DHX33: variants seen among roughly 807,000 people sequenced by gnomAD.
The protein encoded by DHX33 is DEAH-box helicase 33, also known as ATP-dependent RNA helicase DHX33.
A neutral mutation model predicts 72.5 loss-of-function variants in DHX33; 42 were observed. That is an observed-to-expected ratio of 0.58 (90% confidence interval 0.45 to 0.75). The LOEUF is 0.75. Ranked by LOEUF, DHX33 falls within the 30% of genes least tolerant of loss-of-function variation. The probability of loss-of-function intolerance (pLI) is 0.00; values close to 1 mark genes in which losing one functional copy is unlikely to be tolerated. For missense variants in DHX33, 842 were observed against 917.5 expected (o/e 0.92, Z 1.06); for synonymous variants, 358 against 366.1 (o/e 0.98, Z 0.25).
rs1904591005 is a variant in DHX33, at chr17:5,461,213, C to T, written c.679-104G>A. ...AGATGATTGAGGCCTGTGCCACCCC[C>T]ATCACAGTTTACTTTCTTCCAAGGC... On this transcript the variant is annotated intron_variant, in intron 3 of 11. Transcript: ENST00000225296. 3.3e-6 allele frequency: 4 copies of T among 1,221,154 alleles called. No homozygotes were observed. The African/African-American group carries it at 4.5e-5, about 14-fold the overall frequency. 75.6% of individuals were successfully genotyped at this position (1,221,154 alleles called of 1,614,324 possible).
At chr17:5,448,412 CTT>C (rs922986905) in intron 11 of DHX33, among the ~76,000 whole-genome samples, 1 of 152,152 alleles carries the variant, frequency 6.6e-6, no homozygotes, top group East Asian at 1.9e-4. Flanking sequence ...TTATGGGAGA[CTT>C]TTAAACTTTC....
chr17:5,461,407 CAGG>C (rs1904610647), intron 3 of DHX33: 1 of 175,886 alleles, frequency 5.7e-6, no homozygotes, highest in Non-Finnish European at 1.2e-5. Context: ...ATCACGAGGT[CAGG>C]AGATCGAGGC....
At chr17:5,454,460 A>G (rs1210525674) in intron 6 of DHX33, among the ~76,000 whole-genome samples, 1 of 152,208 alleles carries the variant, frequency 6.6e-6, no homozygotes, top group African/African-American at 2.4e-5. Context: ...AGACAGAAAT[A>G]ATGTGATGTC....
At chr17:5,466,363 G>A (rs1904876191) in intron 1 of DHX33, among the ~76,000 whole-genome samples, 1 of 152,220 alleles carries the variant, frequency 6.6e-6, no homozygotes, top group African/African-American at 2.4e-5. Context: ...TTCAACTTAT[G>A]AGGATGGGTG....
At chr17:5,468,392 C>A (rs1210588412) in intron 1 of DHX33, among the ~76,000 whole-genome samples, 179 bp downstream of exon 1, 1 of 152,262 alleles carries the variant, frequency 6.6e-6, no homozygotes, top group East Asian at 1.9e-4. Flanking sequence ...GGCTGTCCAG[C>A]GCCTCCAGGG....
intron 4 of DHX33, among the ~76,000 whole-genome samples, chr17:5,458,750 T>C (rs1164953088): frequency 6.6e-6 from 1 of 152,162 alleles, no homozygotes; most frequent in Non-Finnish European, 1.5e-5. Context: ...TTTAGAAACA[T>C]GAAAGCAATA....
At chr17:5,460,537 C>A (rs1219606287) in intron 4 of DHX33, among the ~76,000 whole-genome samples, 1 of 150,286 alleles carries the variant, frequency 6.7e-6, no homozygotes, top group East Asian at 1.9e-4. Flanking sequence ...GACGGAGTCT[C>A]CCTCTGTCAC....
rs764847965 is a variant in DHX33 at position 5,453,683 on chromosome 17, A to G, written c.1308-15T>C. ...CCAGGTTACACCTGTGAAGAGCATG[A>G]GACCAGGGTCATGACCTGATCCCTC... On this transcript the variant is annotated splice_polypyrimidine_tract_variant and intron_variant, in intron 7 of 11. Coordinates refer to ENST00000225296, the MANE Select transcript of DHX33 (RefSeq NM_020162.4). 6 of 1,614,038 alleles carry G rather than the reference A, an allele frequency of 3.7e-6. No individual in the cohort carries two copies. In the East Asian group the frequency reaches 1.3e-4, roughly 36 times the overall value.
Position 5,444,392 on chromosome 17 carries a change from G to A in DHX33, c.1937C>T (p.Thr646Ile). 1.2e-6 allele frequency: 2 copies of A among 1,614,250 alleles called. No homozygotes were observed. Among genetic ancestry groups the A allele is most frequent in the Non-Finnish European group, 1.7e-6 (2 of 1,180,052 alleles). The change falls in exon 12 of 12, where the codon ACC becomes ATC. Residue 646 changes from threonine to isoleucine, a missense_variant. By Grantham distance (89) the Thr-to-Ile change is moderately conservative. Transcript: ENST00000225296. The surrounding 1 kb of genome is among the most constrained non-coding windows in gnomAD (Gnocchi z 4.9). ...CGGGTGGATGGCCACTGGCTGGTGG[G>A]TGTCCGTGGTGGCATAGGTGCCATC... The part of the protein sequence containing the change: ...QPDGTYATTD[T>I]HQPVAIHPSS...
chr17:5,454,016 C>T lies in DHX33; in HGVS notation c.1148-36G>A, dbSNP rs201886936. 4.1e-5 allele frequency: 65 copies of T among 1,604,506 alleles called. No homozygotes were observed. In the African/African-American group the frequency reaches 7.2e-4, roughly 18 times the overall value. On this transcript the variant is annotated intron_variant, in intron 6 of 11. Transcript: ENST00000225296. ...AGTGAGCCCCATTAGTGCTTCATCA[C>T]ATGAACAAACTCTTTCTACAGTGTC...
rs761767462 is a variant in DHX33, at chr17:5,456,059, G to C, written c.973C>G (p.Leu325Val). 1 of 1,613,632 alleles carries C rather than the reference G, an allele frequency of 6.2e-7. No individual in the cohort carries two copies. The highest frequency in any genetic ancestry group is 1.7e-5 in the Admixed American group (1 of 60,022). The stretch of plus-strand genomic sequence containing the variant: ...TAGGGCAGGGAGGCGTACAGAGGAA[G>C]GACCAGCATCGCAGGGCAGCCGTCT... ...LPDGCPAMLV[L>V]PLYASLPYAQ... is the part of the protein sequence containing the mutation. The change falls in exon 5 of 12, where the codon CTT (leucine) becomes GTT (valine). Residue 325 changes from leucine (L) to valine (V), a missense_variant. Leu to Val is a conservative substitution (Grantham distance 32). Coordinates refer to ENST00000225296, the MANE Select transcript of DHX33 (RefSeq NM_020162.4).
chr17:5,448,171 G>A (rs1916737833), intron 11 of DHX33, among the ~76,000 whole-genome samples: 1 of 152,132 alleles, frequency 6.6e-6, no homozygotes, highest in South Asian at 2.1e-4. Flanking sequence ...CTCCAGCCTG[G>A]GTGACAGAGC....
At chr17:5,450,978 A>C in intron 8 of DHX33, 44 bp from the exon 9 acceptor site, 1 of 1,601,602 alleles carries the variant, frequency 6.2e-7, no homozygotes, top group Non-Finnish European at 8.5e-7. Flanking sequence ...GTCCAAAAAA[A>C]TGAAGTTGCA....
At chr17:5,455,657 T>C (rs1174353164) in intron 5 of DHX33, among the ~76,000 whole-genome samples, 1 of 152,132 alleles carries the variant, frequency 6.6e-6, no homozygotes, top group Non-Finnish European at 1.5e-5. Flanking sequence ...TGACAGACAG[T>C]GGATATAAAT....
chr17:5,466,989 A>G (rs115178059), intron 1 of DHX33, among the ~76,000 whole-genome samples: 155 of 152,360 alleles, frequency 1.0e-3, no homozygotes, highest in African/African-American at 3.7e-3. Flanking sequence ...TACCTACGTT[A>G]AAAGGTTAAA....
In DHX33 at chr17:5,450,265, C is replaced by G; in HGVS notation, c.1666G>C (p.Glu556Gln). ...QGVRKKFISS[E>Q]GDHMTLLNIY... ...TTGAGCAGGGTCATGTGATCCCCCT[C>G]GCTGGATATGAACTTCTTGCGGACC... The change falls in exon 10 of 12, where the codon GAG becomes CAG. Residue 556 changes from glutamate (E) to glutamine (Q), a missense_variant. Physicochemically the swap from Glu to Gln is conservative, Grantham distance 29. Transcript: ENST00000225296. 1 of 1,614,180 alleles carries G rather than the reference C, an allele frequency of 6.2e-7. No individual in the cohort carries two copies. Among genetic ancestry groups the G allele is most frequent in the South Asian group, 1.1e-5 (1 of 91,086 alleles).
At chr17:5,457,843 G>T (rs918528139) in intron 4 of DHX33, among the ~76,000 whole-genome samples, 1 of 152,104 alleles carries the variant, frequency 6.6e-6, no homozygotes, top group Non-Finnish European at 1.5e-5. Context: ...TGCACCAGCA[G>T]CCATCATTCA....
chr17:5,460,495 TATTC>T (rs1017527956), intron 4 of DHX33, among the ~76,000 whole-genome samples: 49 of 151,840 alleles, frequency 3.2e-4, no homozygotes, highest in African/African-American at 1.1e-3. Context: ...ATGAACTCCT[TATTC>T]ATTGTTTTTT....
chr17:5,458,719 A>G (rs1904446754), intron 4 of DHX33, among the ~76,000 whole-genome samples: 1 of 152,244 alleles, frequency 6.6e-6, no homozygotes, highest in Non-Finnish European at 1.5e-5. Flanking sequence ...AACTCAAAAA[A>G]TAGTGGTCAA....
Sources: gnomAD v4.1 joint callset for allele counts (sites outside exome capture counted in the v4.1 genomes callset) on GRCh38, gnomAD v4.1.1 for gene constraint, Gnocchi (gnomAD v3.1) non-coding constraint, MANE v1.5 for transcripts, NCBI Gene and HGNC (gene_info 2026-07-23, HGNC 2026-07-21) for gene names.